LCORL: variants seen among roughly 807,000 people sequenced by gnomAD.
LCORL encodes the protein ligand dependent nuclear receptor corepressor like, also known as ligand-dependent nuclear receptor corepressor-like protein.
Under a neutral mutation model 141.8 loss-of-function variants are expected in LCORL, and 41 were observed. The ratio of observed to expected loss-of-function variants is 0.29; its 90% CI spans 0.23 to 0.38. The LOEUF (loss-of-function observed/expected upper bound fraction) is 0.38. Among genes scored for constraint, LCORL ranks in the 10% least tolerant of loss-of-function variants. LCORL has a pLI of 1.00. For missense variants in LCORL, 1,759 were observed against 2,035.0 expected (o/e 0.86, Z 2.61); for synonymous variants, 618 against 694.1 (o/e 0.89, Z 1.72).
At chr4:18,009,659 A>G (rs1723378930) in intron 1 of LCORL, among the ~76,000 whole-genome samples, 1 of 152,018 alleles carries the variant, frequency 6.6e-6, no homozygotes, top group Admixed American at 6.6e-5. Context: ...TGGGGCCCTG[A>G]GAGCTCATGC....
intron 7 of LCORL, among the ~76,000 whole-genome samples, chr4:17,863,142 C>T (rs893126406): frequency 6.6e-5 from 10 of 152,100 alleles, no homozygotes; most frequent in Non-Finnish European, 1.3e-4. Flanking sequence ...ATGGTGAAAA[C>T]CCATCTCTAC....
At chr4:17,885,795 C>T (rs1728185374) in intron 6 of LCORL, among the ~76,000 whole-genome samples, 2 of 151,972 alleles carry the variant, frequency 1.3e-5, no homozygotes, top group East Asian at 3.9e-4. Context: ...TTCTCTTACT[C>T]GTCCTGCTTC....
At chr4:17,842,558 C>G in exon 8 of LCORL, 1 of 553,196 alleles carries the variant, frequency 1.8e-6, no homozygotes. Flanking sequence ...TGACTTCTTA[C>G]GGCGTGTTTG....
chr4:17,906,375 C>A (rs189514922), intron 5 of LCORL, among the ~76,000 whole-genome samples: 2 of 152,282 alleles, frequency 1.3e-5, no homozygotes, highest in African/African-American at 2.4e-5. Flanking sequence ...CATCTACCAT[C>A]ACTCTTCCCC....
chr4:17,910,827 T>C (rs1176355425), intron 4 of LCORL, among the ~76,000 whole-genome samples: 1 of 152,178 alleles, frequency 6.6e-6, no homozygotes, highest in Non-Finnish European at 1.5e-5. Context: ...TACAAAACAT[T>C]GTATTACCTG....
intron 7 of LCORL, among the ~76,000 whole-genome samples, chr4:17,870,776 C>T (rs548305419): frequency 6.6e-6 from 1 of 152,294 alleles, no homozygotes; most frequent in South Asian, 2.1e-4. Context: ...TGTAGACATT[C>T]ATTAAATACT....
intron 4 of LCORL, among the ~76,000 whole-genome samples, chr4:17,921,896 G>A (rs571454858): frequency 2.0e-5 from 3 of 152,270 alleles, no homozygotes; most frequent in African/African-American, 7.2e-5. Context: ...TCTCGCGCTG[G>A]ATGCTTCCTG....
At chr4:17,874,138 T>C in exon 7 of LCORL, 1 of 1,234,010 alleles carries the variant, frequency 8.1e-7, no homozygotes, top group Non-Finnish European at 1.0e-6. Flanking sequence ...CAGTCAACTG[T>C]TCCATGGTTG....
At chr4:17,959,938 G>A (rs1039426582) in intron 4 of LCORL, among the ~76,000 whole-genome samples, 2 of 151,994 alleles carry the variant, frequency 1.3e-5, no homozygotes, top group Non-Finnish European at 1.5e-5. Context: ...GTTAATAGTA[G>A]AACTCAAATG....
chr4:18,003,528 T>C (rs1722312396), intron 1 of LCORL, among the ~76,000 whole-genome samples: 1 of 152,156 alleles, frequency 6.6e-6, no homozygotes, highest in Admixed American at 6.5e-5. Context: ...ATGTTACATA[T>C]TAGGTTGGTG....
chr4:17,986,718 G>A (rs569317948), intron 1 of LCORL, among the ~76,000 whole-genome samples: 8 of 151,956 alleles, frequency 5.3e-5, no homozygotes, highest in South Asian at 2.1e-4. Context: ...CTGTTCTCCC[G>A]AATCTCAATG....
At chr4:17,979,149 T>C (rs1332939042) in intron 1 of LCORL, among the ~76,000 whole-genome samples, 2 of 152,158 alleles carry the variant, frequency 1.3e-5, no homozygotes, top group Non-Finnish European at 2.9e-5. Context: ...CATGCGGTGT[T>C]TGGTTTTTTG....
At chr4:17,897,670 A>G (rs1481325243) in intron 5 of LCORL, among the ~76,000 whole-genome samples, 1 of 152,040 alleles carries the variant, frequency 6.6e-6, no homozygotes, top group African/African-American at 2.4e-5. Flanking sequence ...AACATTCAAT[A>G]TTTTTCATTC....
At chr4:17,871,367 A>G (rs1314664865) in intron 7 of LCORL, among the ~76,000 whole-genome samples, 1 of 151,972 alleles carries the variant, frequency 6.6e-6, no homozygotes, top group African/African-American at 2.4e-5. Context: ...ACAGCTCTTC[A>G]AATGATACTA....
intron 1 of LCORL, among the ~76,000 whole-genome samples, chr4:17,980,320 G>A (rs1052861157): frequency 5.3e-5 from 8 of 152,052 alleles, no homozygotes; most frequent in Non-Finnish European, 1.2e-4. Context: ...TTCTTGTCCC[G>A]CTCTGATCAT....
At chr4:17,860,094 TC>T (rs1724828319) in intron 7 of LCORL, among the ~76,000 whole-genome samples, 2 of 152,296 alleles carry the variant, frequency 1.3e-5, no homozygotes, top group South Asian at 4.1e-4. Flanking sequence ...TCAATGCTAT[TC>T]CTATCAGACT....
intron 4 of LCORL, among the ~76,000 whole-genome samples, chr4:17,910,186 T>C (rs1732290053): frequency 6.6e-6 from 1 of 152,142 alleles, no homozygotes; most frequent in South Asian, 2.1e-4. Flanking sequence ...AACAACTGAA[T>C]GATTTTAGTA....
chr4:17,947,410 G>A (rs1739055335), intron 4 of LCORL, among the ~76,000 whole-genome samples: 1 of 151,872 alleles, frequency 6.6e-6, no homozygotes, highest in South Asian at 2.1e-4. Context: ...GGGGGTATGG[G>A]AAATGGGGAA....
exon 7 of LCORL, chr4:17,878,148 T>C (rs1727109775): frequency 8.1e-7 from 1 of 1,230,354 alleles, no homozygotes; most frequent in Non-Finnish European, 1.0e-6. Flanking sequence ...TTCCAAAACT[T>C]TGTTTAATGC....
Sources: gnomAD v4.1 joint callset for allele counts (sites outside exome capture counted in the v4.1 genomes callset) on GRCh38, gnomAD v4.1.1 for gene constraint, MANE v1.5 for transcripts, NCBI Gene and HGNC (gene_info 2026-07-23, HGNC 2026-07-21) for gene names.